Variants in PRKN observed in about 807,000 individuals in gnomAD.
PRKN encodes the protein parkin RBR E3 ubiquitin protein ligase, also known as E3 ubiquitin-protein ligase parkin.
PRKN carries 56 observed loss-of-function variants against 59.5 expected under a neutral mutation model. The observed-to-expected ratio is 0.94, with a 90% CI of 0.76 to 1.18. The LOEUF (loss-of-function observed/expected upper bound fraction) is 1.18, where lower values mean the gene tolerates loss of function less well. Ranked by LOEUF, PRKN falls within the 50% of genes most tolerant of loss-of-function variation. The pLI, the probability that PRKN is intolerant of heterozygous loss-of-function variation, is 0.00. For synonymous variants in PRKN, 250 were observed against 222.1 expected (o/e 1.13, Z -1.12); for missense variants, 657 against 596.4 (o/e 1.10, Z -1.06).
chr6:162,437,555 C>G (rs1789837911), intron 2 of PRKN, among the ~76,000 whole-genome samples: 1 of 152,192 alleles, frequency 6.6e-6, no homozygotes. Flanking sequence ...TTCTGTTACC[C>G]TTTCACAGTC....
chr6:161,748,637 C>T (rs941075426), intron 7 of PRKN, among the ~76,000 whole-genome samples: 11 of 152,136 alleles, frequency 7.2e-5, no homozygotes, highest in Middle Eastern at 3.4e-3. Context: ...GGGCACTTGT[C>T]GGGTCACTGA....
chr6:161,817,018 G>A (rs917630002), intron 6 of PRKN, among the ~76,000 whole-genome samples: 3 of 152,040 alleles, frequency 2.0e-5, no homozygotes, highest in Non-Finnish European at 4.4e-5. Flanking sequence ...ACATGCACAC[G>A]TACTCACACA....
intron 9 of PRKN, among the ~76,000 whole-genome samples, chr6:161,412,812 A>C (rs1787647929): frequency 3.5e-5 from 4 of 113,618 alleles, no homozygotes; most frequent in South Asian, 2.9e-4. Flanking sequence ...TCACTCACTC[A>C]TTCCTTCACT....
chr6:162,076,584 A>G (rs1778836907), intron 4 of PRKN, among the ~76,000 whole-genome samples: 1 of 152,088 alleles, frequency 6.6e-6, no homozygotes, highest in Non-Finnish European at 1.5e-5. Flanking sequence ...AGAGAAGAGG[A>G]AGTCTTAATT....
intron 4 of PRKN, among the ~76,000 whole-genome samples, chr6:162,065,376 A>T (rs974964897): frequency 6.6e-6 from 1 of 152,166 alleles, no homozygotes; most frequent in Non-Finnish European, 1.5e-5. Context: ...CAGAAGACTC[A>T]GCAAGCCAGT....
At chr6:162,020,345 A>T (rs1041665634) in intron 5 of PRKN, among the ~76,000 whole-genome samples, 4 of 151,188 alleles carry the variant, frequency 2.6e-5, no homozygotes, top group Admixed American at 6.6e-5. Flanking sequence ...AAAAAAAAAA[A>T]AAAAAAAAAA....
chr6:161,721,064 C>A (rs929859856), intron 7 of PRKN, among the ~76,000 whole-genome samples: 1 of 152,080 alleles, frequency 6.6e-6, no homozygotes, highest in African/African-American at 2.4e-5. Context: ...GATGAAGGTG[C>A]GACATAACAT....
In PRKN at chr6:161,424,000, G is replaced by A. The variant is rs892816429; in HGVS notation, c.1084-37123C>T. On this transcript the variant is annotated intron_variant, in intron 9 of 11. Transcript: ENST00000366898. This position sits in a 1 kb window ranked among gnomAD's most constrained non-coding sequence, Gnocchi z 5.9. ...AAGGCTGGTATTGAGACTGGAGTAC[G>A]GCATGTAGTGTTGAAGATAAATTGA... Among the ~76,000 whole-genome samples, 9 of 152,094 alleles carry A rather than the reference G, an allele frequency of 5.9e-5. No homozygotes were observed. Among genetic ancestry groups the A allele is most frequent in the South Asian group, 2.1e-4 (1 of 4,824 alleles).
intron 5 of PRKN, among the ~76,000 whole-genome samples, chr6:162,006,570 T>C (rs574148867): frequency 5.9e-5 from 9 of 152,308 alleles, no homozygotes; most frequent in Non-Finnish European, 1.2e-4. Flanking sequence ...ACTCCACTCC[T>C]GTCTGCCCTC....
intron 1 of PRKN, among the ~76,000 whole-genome samples, chr6:162,546,086 T>G (rs1779105444): frequency 6.7e-6 from 1 of 149,174 alleles, no homozygotes; most frequent in Admixed American, 6.7e-5. Context: ...AATTACCATG[T>G]AAAAGTGTAT....
chr6:162,666,558 T>G (rs867087788), intron 1 of PRKN, among the ~76,000 whole-genome samples: 6 of 152,112 alleles, frequency 3.9e-5, no homozygotes, highest in Non-Finnish European at 2.9e-5. Flanking sequence ...GAACATAAAT[T>G]CAGGAGGTGA....
chr6:161,431,333 A>C (rs1450223323), intron 9 of PRKN, among the ~76,000 whole-genome samples: 2 of 152,040 alleles, frequency 1.3e-5, no homozygotes, highest in Non-Finnish European at 2.9e-5. Flanking sequence ...AAATGTTTTT[A>C]GGAACTACGA....
At chr6:162,630,809 G>C (rs1783083343) in intron 1 of PRKN, among the ~76,000 whole-genome samples, 1 of 152,078 alleles carries the variant, frequency 6.6e-6, no homozygotes, top group Non-Finnish European at 1.5e-5. Context: ...TTGGAAGCAG[G>C]TTCCCAAGTT....
chr6:161,766,093 T>G (rs1789411236), intron 7 of PRKN, among the ~76,000 whole-genome samples: 1 of 152,178 alleles, frequency 6.6e-6, no homozygotes. Context: ...TTTGTCATTT[T>G]GCAGTTAGGT....
chr6:162,020,431 TC>T, intron 5 of PRKN, among the ~76,000 whole-genome samples: 1 of 152,204 alleles, frequency 6.6e-6, no homozygotes, highest in East Asian at 1.9e-4. Flanking sequence ...TGAATGTTTT[TC>T]TAGATATTCT....
At chr6:161,522,173 A>G (rs1778851839) in intron 9 of PRKN, among the ~76,000 whole-genome samples, 1 of 152,156 alleles carries the variant, frequency 6.6e-6, no homozygotes, top group Non-Finnish European at 1.5e-5. Context: ...CCTCCCCAGC[A>G]CGTTAAAAAA....
intron 5 of PRKN, among the ~76,000 whole-genome samples, chr6:161,984,214 G>GA (rs1781351832): frequency 3.3e-5 from 5 of 152,088 alleles, no homozygotes; most frequent in African/African-American, 1.2e-4. Flanking sequence ...CTTGTACCCT[G>GA]GATCCAGCTA....
intron 1 of PRKN, among the ~76,000 whole-genome samples, chr6:162,646,168 G>A (rs1482855136): frequency 1.3e-5 from 2 of 151,694 alleles, no homozygotes; most frequent in East Asian, 1.9e-4. Flanking sequence ...CACCACACCC[G>A]GCCTAAACTT....
rs1007593493 is a variant in PRKN, at chr6:161,414,016, C to T, written c.1084-27139G>A. Among the ~76,000 whole-genome samples the T allele has an allele frequency of 1.3e-5, 2 of 152,010 alleles. No homozygotes were observed. Among genetic ancestry groups the T allele is most frequent in the African/African-American group, 2.4e-5 (1 of 41,360 alleles). On this transcript the variant is annotated intron_variant, in intron 9 of 11. Transcript: ENST00000366898. This position sits in a 1 kb window ranked among gnomAD's most constrained non-coding sequence, Gnocchi z 5.3. Reference sequence around the variant, plus strand: ...GCCTGAGAGAAGCAGCCAGGCAGAGCGGTGGGACGTGAAACTCCTCGACAG... The same window carrying T: ...GCCTGAGAGAAGCAGCCAGGCAGAGTGGTGGGACGTGAAACTCCTCGACAG...
Sources: allele counts gnomAD v4.1 joint callset (sites outside exome capture counted in the v4.1 genomes callset), GRCh38; gene constraint gnomAD v4.1.1; non-coding constraint Gnocchi (gnomAD v3.1); transcripts MANE v1.5; gene names NCBI Gene and HGNC (gene_info 2026-07-23, HGNC 2026-07-21).